The following ADCY8 variants were observed in gnomAD, a reference collection of about 807,000 sequenced individuals.
ADCY8 encodes adenylate cyclase 8.
A neutral mutation model predicts 119.7 loss-of-function variants in ADCY8; 51 were observed. The ratio of observed to expected loss-of-function variants is 0.43; its 90% CI spans 0.34 to 0.54. The LOEUF (loss-of-function observed/expected upper bound fraction) is 0.54. ADCY8 is among the 20% of genes least tolerant of loss of function. ADCY8 has a pLI of 0.03. For missense variants in ADCY8, 1,383 were observed against 1,598.8 expected (o/e 0.87, Z 2.30); for synonymous variants, 665 against 651.0 (o/e 1.02, Z -0.33).
chr8:130,811,168 C>G (rs773921180), intron 14 of ADCY8, among the ~76,000 whole-genome samples: 2 of 152,094 alleles, frequency 1.3e-5, no homozygotes, highest in Admixed American at 1.3e-4. Flanking sequence ...GTCTCCGCAC[C>G]CAAGAGACTC....
intron 5 of ADCY8, among the ~76,000 whole-genome samples, chr8:130,918,211 G>T (rs1820188860): frequency 6.6e-6 from 1 of 152,168 alleles, no homozygotes; most frequent in African/African-American, 2.4e-5. Flanking sequence ...AATTCTGGAG[G>T]CTGGGAAGTC....
intron 7 of ADCY8, among the ~76,000 whole-genome samples, chr8:130,891,508 T>C (rs963804555): frequency 2.0e-5 from 3 of 152,184 alleles, no homozygotes; most frequent in Non-Finnish European, 4.4e-5. Flanking sequence ...TTAACCTAGT[T>C]AATATACCCA....
chr8:130,830,830 G>C (rs1422118631), intron 12 of ADCY8, among the ~76,000 whole-genome samples: 1 of 152,158 alleles, frequency 6.6e-6, no homozygotes, highest in African/African-American at 2.4e-5. Context: ...CATGCCCACT[G>C]ATGAGTGGAA....
chr8:130,928,041 G>A (rs1373378076), intron 5 of ADCY8, among the ~76,000 whole-genome samples: 2 of 152,112 alleles, frequency 1.3e-5, no homozygotes, highest in African/African-American at 2.4e-5. Context: ...AGCCCTCTGA[G>A]TAGTTACGGG....
intron 7 of ADCY8, among the ~76,000 whole-genome samples, chr8:130,897,921 T>G (rs1819460267): frequency 6.6e-6 from 1 of 150,404 alleles, no homozygotes; most frequent in African/African-American, 2.4e-5. Flanking sequence ...ACTACACATA[T>G]ACACACCATG....
intron 8 of ADCY8, among the ~76,000 whole-genome samples, chr8:130,879,835 C>G (rs926724608): frequency 6.6e-6 from 1 of 152,128 alleles, no homozygotes; most frequent in Non-Finnish European, 1.5e-5. Flanking sequence ...ATACAATGGT[C>G]TATTTTTATA....
At chr8:131,015,444 A>G (rs1372795883) in intron 1 of ADCY8, among the ~76,000 whole-genome samples, 3 of 152,206 alleles carry the variant, frequency 2.0e-5, no homozygotes, top group African/African-American at 7.2e-5. Flanking sequence ...AGGAGTACAG[A>G]TTCCATTATC....
chr8:131,013,699 T>TA (rs1477720311), intron 1 of ADCY8, among the ~76,000 whole-genome samples: 1 of 152,158 alleles, frequency 6.6e-6, no homozygotes, highest in Admixed American at 6.5e-5. Flanking sequence ...TGGCAATTTT[T>TA]ATTGGGTAAT....
intron 1 of ADCY8, among the ~76,000 whole-genome samples, chr8:131,015,371 G>A (rs1162398356): frequency 6.6e-6 from 1 of 152,150 alleles, no homozygotes; most frequent in Non-Finnish European, 1.5e-5. Flanking sequence ...TCTCTGATGA[G>A]GTTATATTTA....
intron 1 of ADCY8, among the ~76,000 whole-genome samples, chr8:131,021,746 T>G (rs926132811): frequency 1.3e-5 from 2 of 152,126 alleles, no homozygotes; most frequent in Admixed American, 1.3e-4. Context: ...AAGAAGGACA[T>G]GTTTGCTTCC....
At chr8:131,029,247 G>T (rs1823919272) in intron 1 of ADCY8, among the ~76,000 whole-genome samples, 2 of 152,200 alleles carry the variant, frequency 1.3e-5, no homozygotes, top group South Asian at 4.1e-4. Context: ...GGACCATCTA[G>T]CTGCAGGAAA....
chr8:130,929,081 C>A (rs1820554825), intron 5 of ADCY8, among the ~76,000 whole-genome samples: 1 of 151,986 alleles, frequency 6.6e-6, no homozygotes, highest in South Asian at 2.1e-4. Context: ...ATTAGTCCAG[C>A]AATAGGTCTT....
intron 11 of ADCY8, among the ~76,000 whole-genome samples, chr8:130,842,243 T>C (rs1239617691): frequency 6.6e-6 from 1 of 152,158 alleles, no homozygotes; most frequent in East Asian, 1.9e-4. Context: ...GTAATTTGAT[T>C]ATGATGTGCC....
chr8:131,025,127 C>A (rs1016464145), intron 1 of ADCY8, among the ~76,000 whole-genome samples: 1 of 152,146 alleles, frequency 6.6e-6, no homozygotes, highest in African/African-American at 2.4e-5. Flanking sequence ...TGAGGTGGGT[C>A]TTTTGATGAC....
intron 2 of ADCY8, among the ~76,000 whole-genome samples, chr8:130,984,273 T>C (rs112875293): frequency 0.012 from 1,832 of 152,164 alleles, 44 homozygotes; most frequent in African/African-American, 0.042. Flanking sequence ...AGACTGCCTG[T>C]GGGGAGGAAG....
At chr8:130,940,259 C>A (rs1047183582) in intron 4 of ADCY8, among the ~76,000 whole-genome samples, 1 of 152,196 alleles carries the variant, frequency 6.6e-6, no homozygotes, top group African/African-American at 2.4e-5. Flanking sequence ...CATGCTCTCT[C>A]TTGGCAAAAC....
At chr8:130,892,700 A>G (rs1256377912) in intron 7 of ADCY8, 1 of 152,238 alleles carries the variant, frequency 6.6e-6, no homozygotes, top group Non-Finnish European at 1.5e-5. Context: ...GGCTTTAGAC[A>G]CAGATGTACT....
rs142696365 is a variant in ADCY8, at chr8:130,934,317, C to T, written c.1481+2756G>A. On this transcript the variant is annotated intron_variant, in intron 5 of 17. Transcript: ENST00000286355. ...TGCGAGGCCACAGGAAACTTACAAT[C>T]ATGGCAGAAGGTAAAGGGGAAGCAG... Among the ~76,000 whole-genome samples, 443 of 152,298 alleles carry T rather than the reference C, an allele frequency of 2.9e-3. 4 individuals carry two copies. Among genetic ancestry groups the T allele is most frequent in the African/African-American group, 1.0e-2 (415 of 41,546 alleles).
rs1815030188 is a variant in ADCY8, at chr8:130,780,314, A to T, written c.*76T>A. 2 of 1,133,518 alleles carry T rather than the reference A, an allele frequency of 1.8e-6. No individual in the cohort carries two copies. Among genetic ancestry groups the T allele is most frequent in the Non-Finnish European group, 2.2e-6 (2 of 893,272 alleles). 70.2% of individuals were successfully genotyped at this position (1,133,518 alleles called of 1,614,324 possible). ...ACGAAACCATCCTTGTTCTAAAAAA[A>T]ATTAAACCTTTTTATTAGTATATTT... On this transcript the variant is annotated 3_prime_UTR_variant, in exon 18 of 18. Coordinates refer to ENST00000286355, the MANE Select transcript of ADCY8 (RefSeq NM_001115.3).
Sources: allele counts gnomAD v4.1 joint callset (sites outside exome capture counted in the v4.1 genomes callset), GRCh38; gene constraint gnomAD v4.1.1; transcripts MANE v1.5; gene names NCBI Gene and HGNC (gene_info 2026-07-23, HGNC 2026-07-21).